KIF15: variants seen among roughly 807,000 people sequenced by gnomAD.
KIF15 encodes kinesin family member 15, also known as kinesin-like protein KIF15.
A neutral mutation model predicts 190.6 loss-of-function variants in KIF15; 140 were observed. The ratio of observed to expected loss-of-function variants is 0.73; its 90% confidence interval spans 0.64 to 0.84. The LOEUF is 0.84. Ranked by LOEUF, KIF15 falls within the 40% of genes least tolerant of loss-of-function variation. KIF15 has a pLI of 0.00. For missense variants in KIF15, 1,372 were observed against 1,584.4 expected (o/e 0.87, Z 2.28); for synonymous variants, 528 against 551.3 (o/e 0.96, Z 0.59).
chr3:44,857,016 G>T (rs893584545), downstream of KIF15, among the ~76,000 whole-genome samples: 2 of 152,194 alleles, frequency 1.3e-5, no homozygotes, highest in Non-Finnish European at 2.9e-5. Context: ...AGCCTGTTTT[G>T]CTGGTGAGTG....
At chr3:44,800,867 T>A (rs1430144165) in intron 11 of KIF15, among the ~76,000 whole-genome samples, 2 of 152,126 alleles carry the variant, frequency 1.3e-5, no homozygotes, top group Non-Finnish European at 2.9e-5. Context: ...TCTAATTTTT[T>A]AAAAAATCTA....
chr3:44,826,459 A>G lies in KIF15; in HGVS notation c.2785A>G (p.Lys929Glu), dbSNP rs1697657015. 9 of 1,581,890 alleles carry G rather than the reference A, an allele frequency of 5.7e-6. No individual in the cohort carries two copies. In the East Asian group the frequency reaches 6.7e-5, roughly 12 times the overall value. Reference protein sequence around the residue: ...QFEEDKENSSKEILKVLEAVR... With the variant: ...QFEEDKENSSEEILKVLEAVR... ...TGAAGAAGATAAAGAAAACAGTTCT[A>G]AGTGAGTGCTATTTATTTTTTCTAC... Residue 929 changes from lysine (K) to glutamate (E), a missense_variant and splice_region_variant, in exon 22 of 35, where the codon AAA (lysine) becomes GAA (glutamate). Transcript: ENST00000326047.
At chr3:44,815,323 C>T (rs1222897057) in intron 20 of KIF15, among the ~76,000 whole-genome samples, 1 of 152,192 alleles carries the variant, frequency 6.6e-6, no homozygotes, top group Non-Finnish European at 1.5e-5. Context: ...CTCTTATTCC[C>T]TCCTATTACT....
At chr3:44,861,597 C>A (rs1218176679) in intron 6 of KIF15, among the ~76,000 whole-genome samples, 1 of 152,124 alleles carries the variant, frequency 6.6e-6, no homozygotes, top group Non-Finnish European at 1.5e-5. Flanking sequence ...TAAGTTTCAC[C>A]GGGAGCCGGG....
intron 20 of KIF15, among the ~76,000 whole-genome samples, chr3:44,822,152 C>A (rs1697374707): frequency 6.6e-6 from 1 of 152,178 alleles, no homozygotes; most frequent in Non-Finnish European, 1.5e-5. Context: ...CTGGTTGTTC[C>A]TTTCCATTTT....
At chr3:44,762,656 A>G (rs1237526375) in intron 1 of KIF15, among the ~76,000 whole-genome samples, 2 of 152,200 alleles carry the variant, frequency 1.3e-5, no homozygotes, top group African/African-American at 2.4e-5. Context: ...TAGATGATTA[A>G]GAATTTGTGA....
At chr3:44,764,214 A>G (rs1705289791) in intron 1 of KIF15, among the ~76,000 whole-genome samples, 1 of 152,212 alleles carries the variant, frequency 6.6e-6, no homozygotes, top group South Asian at 2.1e-4. Flanking sequence ...CCAGATCAAG[A>G]AATAGAACTG....
intron 11 of KIF15, among the ~76,000 whole-genome samples, chr3:44,801,093 T>C (rs1463332970): frequency 6.6e-6 from 1 of 151,118 alleles, no homozygotes; most frequent in Non-Finnish European, 1.5e-5. Context: ...CTGCAACCTC[T>C]ACCTCCTGGG....
At chr3:44,764,258 C>T (rs546140571) in intron 1 of KIF15, among the ~76,000 whole-genome samples, 79 of 152,340 alleles carry the variant, frequency 5.2e-4, no homozygotes, top group African/African-American at 1.8e-3. Flanking sequence ...TGTGACCCTT[C>T]CTAGTCAATA....
intron 11 of KIF15, 93 bp downstream of exon 11, chr3:44,800,530 C>A: frequency 7.3e-7 from 1 of 1,375,700 alleles, no homozygotes; most frequent in Non-Finnish European, 9.9e-7. Flanking sequence ...ATAAGGCAAC[C>A]CAAATTTTTC....
chr3:44,777,003 T>TG (rs1307307963), intron 3 of KIF15, among the ~76,000 whole-genome samples: 2 of 150,508 alleles, frequency 1.3e-5, no homozygotes, highest in African/African-American at 2.5e-5. Flanking sequence ...TTTTTTTTTT[T>TG]TTTTTTTTGT....
rs1025704869 is a variant in KIF15 at position 44,775,339 on chromosome 3, T to C, written c.148T>C (p.Cys50Arg). 2.5e-6 allele frequency: 4 copies of C among 1,614,148 alleles called. No homozygotes were observed. The highest frequency in any genetic ancestry group is 2.2e-5 in the East Asian group (1 of 44,876). ...SGSADGEQNL[C>R]LSVLSSTSLR... ...GTCAGCTGATGGAGAGCAGAACTTA[T>C]GCTTATCTGTGCTGTCCTCCACGAG... Residue 50 changes from cysteine (C) to arginine (R), a missense_variant, in exon 3 of 35, where the codon TGC (cysteine) becomes CGC (arginine). Coordinates refer to ENST00000326047, the MANE Select transcript of KIF15 (RefSeq NM_020242.3).
chr3:44,768,772 G>C (rs774860808), intron 1 of KIF15, among the ~76,000 whole-genome samples: 20 of 152,186 alleles, frequency 1.3e-4, no homozygotes, highest in Non-Finnish European at 2.8e-4. Flanking sequence ...ATTTCCCTAA[G>C]AGGCCAATCT....
rs749158980 is a variant in KIF15 at position 44,841,077 on chromosome 3, C to T, written c.3424C>T (p.Pro1142Ser). 2 of 1,610,368 alleles carry T rather than the reference C, an allele frequency of 1.2e-6. No individual in the cohort carries two copies. Among genetic ancestry groups the T allele is most frequent in the African/African-American group, 1.3e-5 (1 of 74,670 alleles). Residue 1142 changes from proline (P) to serine (S), a missense_variant, in exon 29 of 35, where the codon CCT becomes TCT. Physicochemically the swap from Pro to Ser is moderately conservative, Grantham distance 74. Coordinates refer to ENST00000326047, the MANE Select transcript of KIF15 (RefSeq NM_020242.3). ...MDSAAEDPQS[P>S]KTPPHFQTHL... ...ATGAGATGTGATTTTATTTTAGAGT[C>T]CTAAGACACCACCTCACTTTCAAAC...
At chr3:44,864,053 A>G in intron 6 of KIF15, 1 of 887,668 alleles carries the variant, frequency 1.1e-6, no homozygotes, top group South Asian at 1.6e-5. Flanking sequence ...AGCCCTGTGC[A>G]GGAAAGCTCT....
intron 20 of KIF15, among the ~76,000 whole-genome samples, chr3:44,817,378 A>C (rs1708076283): frequency 6.6e-6 from 1 of 152,210 alleles, no homozygotes; most frequent in Admixed American, 6.5e-5. Context: ...TTTTAGGTCC[A>C]ACATTTAAGT....
intron 2 of KIF15, 109 bp downstream of exon 2, chr3:44,774,546 C>G: frequency 1.1e-6 from 1 of 914,942 alleles, no homozygotes; most frequent in Non-Finnish European, 1.7e-6. Context: ...TTAACTTAGT[C>G]CTCAACCAGC....
At position 44,797,538 on chromosome 3, in the gene KIF15, G is replaced by A. The variant is rs369133414; in HGVS notation, c.850-13G>A. On this transcript the variant is annotated splice_polypyrimidine_tract_variant and intron_variant, in intron 8 of 34. Coordinates refer to ENST00000326047, the MANE Select transcript of KIF15 (RefSeq NM_020242.3). Reference sequence around the variant, plus strand: ...CGTACCTAAATTTTTGTTCTTTTCCGTCAACACTTTAGGAAGCAGGTAACA... The same window carrying A: ...CGTACCTAAATTTTTGTTCTTTTCCATCAACACTTTAGGAAGCAGGTAACA... The A allele has an allele frequency of 4.8e-5, 78 of 1,609,874 alleles. 1 individual carries two copies. The highest frequency in any genetic ancestry group is 6.6e-5 in the South Asian group (6 of 90,744).
intron 6 of KIF15, among the ~76,000 whole-genome samples, chr3:44,868,209 C>T (rs762591569): frequency 4.6e-5 from 7 of 152,080 alleles, no homozygotes; most frequent in Admixed American, 3.9e-4. Context: ...GATTATACAA[C>T]ATCAATATAT....
Sources: allele counts gnomAD v4.1 joint callset (sites outside exome capture counted in the v4.1 genomes callset), GRCh38; gene constraint gnomAD v4.1.1; transcripts MANE v1.5; gene names NCBI Gene and HGNC (gene_info 2026-07-23, HGNC 2026-07-21).